The following STK39 variants were observed in gnomAD, a reference collection of about 807,000 sequenced individuals.
STK39 encodes the protein STE20/SPS1-related proline-alanine-rich protein kinase.
Under a neutral mutation model 77.8 loss-of-function variants are expected in STK39, and 20 were observed. The observed-to-expected ratio is 0.26, with a 90% CI of 0.18 to 0.37. The LOEUF is 0.37. Among genes scored for constraint, STK39 ranks in the 10% least tolerant of loss-of-function variants. The pLI is 1.00. For synonymous variants in STK39, 246 were observed against 234.1 expected, an observed-to-expected ratio of 1.05 and a Z score of -0.47; for missense variants, 479 against 656.5, an observed-to-expected ratio of 0.73 and a Z score of 2.95.
At chr2:168,164,333 G>A (rs1001845165) in intron 3 of STK39, among the ~76,000 whole-genome samples, 15 of 152,314 alleles carry the variant, frequency 9.8e-5, no homozygotes, top group African/African-American at 3.6e-4. Context: ...AAAGAAGTAT[G>A]TTGTTTCTAG....
chr2:168,135,790 G>A (rs1403583789), intron 8 of STK39, among the ~76,000 whole-genome samples: 1 of 152,138 alleles, frequency 6.6e-6, no homozygotes, highest in Non-Finnish European at 1.5e-5. Flanking sequence ...AAGGTGATGT[G>A]CCACTAACAG....
At chr2:167,965,855 T>G (rs6710398) in intron 16 of STK39, among the ~76,000 whole-genome samples, 5,685 of 152,270 alleles carry the variant, frequency 0.037, 375 homozygotes, top group African/African-American at 0.13. Flanking sequence ...GTAAGAAATC[T>G]GCGCAAGTTT....
At chr2:168,160,939 G>T (rs958411932) in intron 5 of STK39, among the ~76,000 whole-genome samples, 3 of 151,766 alleles carry the variant, frequency 2.0e-5, no homozygotes, top group Non-Finnish European at 2.9e-5. Context: ...CCAGAGTCGG[G>T]GGGTGGGGGT....
intron 5 of STK39, among the ~76,000 whole-genome samples, chr2:168,150,723 A>G: frequency 6.6e-6 from 1 of 151,874 alleles, no homozygotes; most frequent in Admixed American, 6.5e-5. Flanking sequence ...CACCAACCTG[A>G]TATCATATTA....
At chr2:168,233,829 CT>C (rs532924057) in intron 1 of STK39, among the ~76,000 whole-genome samples, 1 of 152,224 alleles carries the variant, frequency 6.6e-6, no homozygotes, top group African/African-American at 2.4e-5. Context: ...CTAAAATGAT[CT>C]TTTTTAAGAT....
intron 1 of STK39, among the ~76,000 whole-genome samples, chr2:168,189,745 G>A (rs1321874657): frequency 6.6e-6 from 1 of 151,996 alleles, no homozygotes; most frequent in Admixed American, 6.6e-5. Context: ...ATTGCTTGCC[G>A]GTTTAAAAAC....
At chr2:168,245,036 T>C (rs1418084812) in intron 1 of STK39, among the ~76,000 whole-genome samples, 1 of 152,232 alleles carries the variant, frequency 6.6e-6, no homozygotes, top group Non-Finnish European at 1.5e-5. Flanking sequence ...ACCCTAATAA[T>C]TGACCAAGTA....
At chr2:168,117,277 C>A (rs1017131638) in intron 10 of STK39, among the ~76,000 whole-genome samples, 1 of 152,178 alleles carries the variant, frequency 6.6e-6, no homozygotes, top group Non-Finnish European at 1.5e-5. Context: ...CTTAACTATT[C>A]TTCTTTAAAA....
chr2:167,960,526 T>C (rs915025342), intron 17 of STK39, among the ~76,000 whole-genome samples: 1 of 152,130 alleles, frequency 6.6e-6, no homozygotes, highest in Non-Finnish European at 1.5e-5. Flanking sequence ...TTGCCTCCCC[T>C]GCCAAAGGAA....
Position 168,095,623 on chromosome 2 carries a change from C to T in STK39, c.1090-20392G>A, listed in dbSNP as rs28712080. Among the ~76,000 whole-genome samples, 184 of 116,064 alleles carry T rather than the reference C, an allele frequency of 1.6e-3. 5 individuals are homozygous for T. The Middle Eastern group carries it at 0.02, about 12-fold the overall frequency. The allele number at this position is 116,064 out of a possible 152,430, so 76.1% of individuals were successfully genotyped here. On this transcript the variant is annotated intron_variant, in intron 10 of 17. Transcript: ENST00000355999. ...CTGCTAGCCACTCGTGTATCTCTTT[C>T]TTTTTTTTTTTTTTTTTTTTTAAGA...
intron 14 of STK39, among the ~76,000 whole-genome samples, chr2:168,039,500 G>A (rs1685046649): frequency 1.7e-5 from 1 of 60,226 alleles, no homozygotes; most frequent in South Asian, 4.0e-4. Context: ...GCTGAGGCAG[G>A]AGAATGGCGT....
At chr2:168,151,047 G>A (rs1216253966) in intron 5 of STK39, among the ~76,000 whole-genome samples, 1 of 152,074 alleles carries the variant, frequency 6.6e-6, no homozygotes, top group Non-Finnish European at 1.5e-5. Flanking sequence ...CCCCAACCAT[G>A]GCATGGTGTC....
intron 1 of STK39, among the ~76,000 whole-genome samples, chr2:168,218,709 C>T (rs1381556940): frequency 1.3e-5 from 2 of 152,106 alleles, no homozygotes; most frequent in Admixed American, 6.6e-5. Context: ...TCCTCCACCC[C>T]CAAAAAAATC....
chr2:168,050,828 A>T (rs1370928528), intron 14 of STK39, among the ~76,000 whole-genome samples: 1 of 152,216 alleles, frequency 6.6e-6, no homozygotes, highest in African/African-American at 2.4e-5. Context: ...GAAAACTAAT[A>T]CAAAGGCCAA....
chr2:168,137,119 G>T (rs1334437937), intron 8 of STK39, among the ~76,000 whole-genome samples: 3 of 152,186 alleles, frequency 2.0e-5, no homozygotes, highest in African/African-American at 7.2e-5. Flanking sequence ...AAGTTACTGT[G>T]TAAAGGCTTA....
At chr2:167,998,822 AGT>A (rs1482060342) in intron 16 of STK39, among the ~76,000 whole-genome samples, 1 of 152,210 alleles carries the variant, frequency 6.6e-6, no homozygotes, top group Non-Finnish European at 1.5e-5. Context: ...TTATTTCTCA[AGT>A]CCTCCAGGAT....
chr2:168,103,809 C>G (rs1200028598), intron 10 of STK39, among the ~76,000 whole-genome samples: 1 of 152,170 alleles, frequency 6.6e-6, no homozygotes, highest in African/African-American at 2.4e-5. Context: ...TTCATAATTA[C>G]TTATTTAGAT....
At chr2:168,069,391 G>A (rs942968303) in intron 12 of STK39, among the ~76,000 whole-genome samples, 1 of 152,154 alleles carries the variant, frequency 6.6e-6, no homozygotes, top group Non-Finnish European at 1.5e-5. Flanking sequence ...TTAGGAAACA[G>A]AAATATTTCC....
intron 16 of STK39, among the ~76,000 whole-genome samples, chr2:167,970,172 G>A (rs1023867060): frequency 3.9e-5 from 6 of 151,972 alleles, no homozygotes; most frequent in South Asian, 2.1e-4. Flanking sequence ...TCACTCTCTC[G>A]TTACCCAGAA....
Sources: gnomAD v4.1 joint callset for allele counts (sites outside exome capture counted in the v4.1 genomes callset) on GRCh38, gnomAD v4.1.1 for gene constraint, MANE v1.5 for transcripts, NCBI Gene and HGNC (gene_info 2026-07-23, HGNC 2026-07-21) for gene names.